Variants in TBC1D32 observed in about 807,000 individuals in gnomAD.
TBC1D32 encodes protein broad-minded.
Under a neutral mutation model 170.3 loss-of-function variants are expected in TBC1D32, and 151 were observed. That is an observed-to-expected ratio of 0.89 (90% CI 0.78 to 1.01). TBC1D32 has a LOEUF of 1.01. Ranked by LOEUF, TBC1D32 falls within the 50% of genes least tolerant of loss-of-function variation. The pLI is 0.00. For missense variants in TBC1D32, 1,464 were observed against 1,457.1 expected (o/e 1.00, Z -0.08); for synonymous variants, 498 against 488.0 (o/e 1.02, Z -0.27).
At chr6:121,123,956 A>G (rs994211732) in intron 26 of TBC1D32, among the ~76,000 whole-genome samples, 2 of 151,892 alleles carry the variant, frequency 1.3e-5, no homozygotes, top group Non-Finnish European at 2.9e-5. Flanking sequence ...CTTGATTGCA[A>G]AAACAAACAA....
rs71018125 is a variant in TBC1D32, at chr6:121,313,105, G to GGTGTGTGTGT, written c.496-2268_496-2259dup. On this transcript the variant is annotated intron_variant, in intron 3 of 31. Transcript: ENST00000398212. ...ACACAATGCCATGCCAAGCTAAGGT[G>GGTGTGTGTGT]GTGTGTGTGTGTGTGTGTGTGTGTG... 4.4e-4 allele frequency among the ~76,000 whole-genome samples: 49 copies of GGTGTGTGTGT among 111,264 alleles called. 3 individuals are homozygous for GGTGTGTGTGT. Among genetic ancestry groups the GGTGTGTGTGT allele is most frequent in the South Asian group, 1.4e-3 (4 of 2,908 alleles). The allele number at this position is 111,264 out of a possible 152,430, so 73.0% of individuals were successfully genotyped here.
At chr6:121,162,972 G>A (rs1785969546) in intron 22 of TBC1D32, 1 of 90,580 alleles carries the variant, frequency 1.1e-5, no homozygotes, top group African/African-American at 3.8e-5. Flanking sequence ...GGACGCACCT[G>A]GAAAATCGGG....
At chr6:121,268,225 CG>C (rs1563157509) in intron 15 of TBC1D32, among the ~76,000 whole-genome samples, 2 of 152,102 alleles carry the variant, frequency 1.3e-5, no homozygotes, top group African/African-American at 4.8e-5. Context: ...TGCAGCTCCT[CG>C]CCAGCAACAG....
intron 20 of TBC1D32, among the ~76,000 whole-genome samples, chr6:121,225,441 C>CA (rs1239840080): frequency 1.3e-5 from 2 of 151,794 alleles, no homozygotes; most frequent in Non-Finnish European, 2.9e-5. Flanking sequence ...TAAAAGATTA[C>CA]AAAAAAGCCT....
chr6:121,269,581 A>C (rs1049996947), intron 15 of TBC1D32, among the ~76,000 whole-genome samples: 2 of 152,208 alleles, frequency 1.3e-5, no homozygotes, highest in Non-Finnish European at 2.9e-5. Flanking sequence ...ACATATATGT[A>C]CCCAATACAG....
Position 121,102,047 on chromosome 6 carries a change from C to A in TBC1D32, c.3465+3976G>T, listed in dbSNP as rs183685841. On this transcript the variant is annotated intron_variant, in intron 30 of 31. Coordinates refer to ENST00000398212, the MANE Select transcript of TBC1D32 (RefSeq NM_152730.6). ...AACTTACAAGAGATGTGAAGGACCTCGTCAAGGAGAACTACAAACCACTAC... is the reference window on the plus strand; with the variant it reads ...AACTTACAAGAGATGTGAAGGACCTAGTCAAGGAGAACTACAAACCACTAC... Among the ~76,000 whole-genome samples the A allele has an allele frequency of 3.2e-4, 48 of 152,112 alleles. No individual in the cohort carries two copies. In the East Asian group the frequency reaches 8.9e-3, roughly 28 times the overall value.
intron 22 of TBC1D32, among the ~76,000 whole-genome samples, chr6:121,201,848 A>AT (rs1416631440): frequency 1.3e-5 from 2 of 151,320 alleles, no homozygotes; most frequent in Admixed American, 6.6e-5. Context: ...AATTTTCTGC[A>AT]TTGGTTAATT....
At chr6:121,183,783 G>C (rs1418468825) in intron 22 of TBC1D32, among the ~76,000 whole-genome samples, 1 of 151,880 alleles carries the variant, frequency 6.6e-6, no homozygotes, top group Non-Finnish European at 1.5e-5. Flanking sequence ...AAAAAACATA[G>C]TACAAGACGT....
At chr6:121,179,481 T>C (rs1437388140) in intron 22 of TBC1D32, among the ~76,000 whole-genome samples, 1 of 151,276 alleles carries the variant, frequency 6.6e-6, no homozygotes, top group African/African-American at 2.4e-5. Flanking sequence ...ATAAAACAAA[T>C]GATAATAATA....
At chr6:121,081,777 A>ACAGATGTT (rs1775669195) in intron 31 of TBC1D32, among the ~76,000 whole-genome samples, 1 of 152,104 alleles carries the variant, frequency 6.6e-6, no homozygotes, top group Non-Finnish European at 1.5e-5. Context: ...CTCGATGAGA[A>ACAGATGTT]CAGATGTTTT....
intron 17 of TBC1D32, 35 bp from the exon 18 acceptor site, chr6:121,242,374 A>G: frequency 6.3e-7 from 1 of 1,597,286 alleles, no homozygotes; most frequent in Non-Finnish European, 8.5e-7. Flanking sequence ...AGCTTTCTTT[A>G]AGATACTAAA....
intron 17 of TBC1D32, among the ~76,000 whole-genome samples, chr6:121,246,358 T>C (rs1797598024): frequency 6.6e-6 from 1 of 152,004 alleles, no homozygotes; most frequent in East Asian, 1.9e-4. Flanking sequence ...CACATTAAAG[T>C]CAGATCCTTA....
At chr6:121,184,827 C>T (rs2128278509) in intron 22 of TBC1D32, among the ~76,000 whole-genome samples, 1 of 151,982 alleles carries the variant, frequency 6.6e-6, no homozygotes, top group African/African-American at 2.4e-5. Flanking sequence ...TTTGAGCTCC[C>T]ACCATCGTGG....
At chr6:121,087,357 A>G (rs4946536) in intron 31 of TBC1D32, among the ~76,000 whole-genome samples, 3,774 of 152,308 alleles carry the variant, frequency 0.025, 168 homozygotes, top group East Asian at 0.13. Context: ...GGAATCATGA[A>G]GAGCTCTTTA....
At chr6:121,298,053 C>T (rs1228942220) in intron 10 of TBC1D32, among the ~76,000 whole-genome samples, 2 of 152,002 alleles carry the variant, frequency 1.3e-5, no homozygotes, top group African/African-American at 2.4e-5. Flanking sequence ...AAATTTGACC[C>T]TTGATTCTGA....
intron 22 of TBC1D32, among the ~76,000 whole-genome samples, chr6:121,176,124 G>A (rs1262144090): frequency 6.6e-6 from 1 of 152,020 alleles, no homozygotes; most frequent in Non-Finnish European, 1.5e-5. Flanking sequence ...ACAAAGTAAT[G>A]GATACTACTA....
At chr6:121,151,181 C>T (rs577186007) in intron 24 of TBC1D32, among the ~76,000 whole-genome samples, 1 of 152,178 alleles carries the variant, frequency 6.6e-6, no homozygotes, top group East Asian at 1.9e-4. Flanking sequence ...TAGCTGTGTC[C>T]CAGAGATTCT....
intron 24 of TBC1D32, among the ~76,000 whole-genome samples, chr6:121,135,566 A>G (rs374738182): frequency 6.6e-6 from 1 of 152,126 alleles, no homozygotes; most frequent in East Asian, 1.9e-4. Flanking sequence ...TCAGATTTCA[A>G]AGAGATTAAA....
chr6:121,145,510 A>G (rs1406058023), intron 24 of TBC1D32, among the ~76,000 whole-genome samples: 2 of 152,188 alleles, frequency 1.3e-5, no homozygotes, highest in Admixed American at 1.3e-4. Context: ...TCAGTTAAAT[A>G]AAAGGAATAT....
Sources: gnomAD v4.1 joint callset for allele counts (sites outside exome capture counted in the v4.1 genomes callset) on GRCh38, gnomAD v4.1.1 for gene constraint, MANE v1.5 for transcripts, NCBI Gene and HGNC (gene_info 2026-07-23, HGNC 2026-07-21) for gene names.